Variants in SCN1A observed in about 807,000 individuals in gnomAD.
The protein encoded by SCN1A is sodium channel protein type 1 subunit alpha.
Under a neutral mutation model 193.7 loss-of-function variants are expected in SCN1A, and 13 were observed. The observed-to-expected ratio is 0.07, with a 90% CI of 0.04 to 0.11. The LOEUF (loss-of-function observed/expected upper bound fraction) is 0.11. Among genes scored for constraint, SCN1A ranks in the 10% least tolerant of loss-of-function variants. The pLI, the probability that SCN1A is intolerant of heterozygous loss-of-function variation, is 1.00. For synonymous variants in SCN1A, 781 were observed against 843.6 expected, an observed-to-expected ratio of 0.93 and a Z score of 1.29; for missense variants, 1,432 against 2,451.1, an observed-to-expected ratio of 0.58 and a Z score of 8.78.
At chr2:166,107,575 T>C (rs1177773733) in intron 2 of SCN1A, among the ~76,000 whole-genome samples, 7 of 144,886 alleles carry the variant, frequency 4.8e-5, no homozygotes, top group African/African-American at 2.0e-4. Flanking sequence ...CTTTTCTTAA[T>C]ATTTAGATAT....
In SCN1A at chr2:166,123,223, C is replaced by CA. The variant is rs57488795; in HGVS notation, c.-142+3700dup. On this transcript the variant is annotated intron_variant, in intron 2 of 28. Coordinates refer to ENST00000674923, the MANE Select transcript of SCN1A (RefSeq NM_001165963.4). ...AATCACATTCCTACTCATTCATTTG[C>CA]AAAAAAAAAAAAAAAAAAAAAAAAA... is the stretch of plus-strand genomic sequence containing the variant. Among the ~76,000 whole-genome samples, 115 of 116,380 alleles carry CA rather than the reference C, an allele frequency of 9.9e-4. 2 individuals carry two copies. Among genetic ancestry groups the CA allele is most frequent in the Non-Finnish European group, 1.4e-3 (84 of 58,144 alleles). The allele number at this position is 116,380 out of a possible 152,430, so 76.3% of individuals were successfully genotyped here.
intron 19 of SCN1A, among the ~76,000 whole-genome samples, chr2:166,021,541 A>G (rs1269439615): frequency 6.6e-6 from 1 of 152,172 alleles, no homozygotes; most frequent in Non-Finnish European, 1.5e-5. Flanking sequence ...ATAGATTAAA[A>G]TAAATAAAAA....
upstream of SCN1A, among the ~76,000 whole-genome samples, chr2:166,130,394 T>C (rs180981757): frequency 4.5e-4 from 68 of 152,296 alleles, no homozygotes; most frequent in African/African-American, 1.6e-3. Context: ...ATGTCAGTCA[T>C]ATGGAAAGGC....
rs767219420 is a variant in SCN1A at position 166,018,756 on chromosome 2, G to A, written c.3430-3029C>T. Reference sequence around the variant, plus strand: ...TGGAAAATTGAACAATATAAGAGTTGGCATGCAATTGGACATACACGAACT... The same window carrying A: ...TGGAAAATTGAACAATATAAGAGTTAGCATGCAATTGGACATACACGAACT... On this transcript the variant is annotated intron_variant, in intron 19 of 28. Coordinates refer to ENST00000674923, the MANE Select transcript of SCN1A (RefSeq NM_001165963.4). Among the ~76,000 whole-genome samples the A allele has an allele frequency of 2.6e-5, 4 of 151,918 alleles. 1 individual carries two copies. The highest frequency in any genetic ancestry group is 4.2e-4 in the South Asian group (2 of 4,816).
At chr2:165,996,964 T>G (rs1228755057) in intron 26 of SCN1A, among the ~76,000 whole-genome samples, 1 of 151,366 alleles carries the variant, frequency 6.6e-6, no homozygotes, top group Admixed American at 6.6e-5. Flanking sequence ...AAAATTAAAA[T>G]TAAATACAGT....
intron 16 of SCN1A, 48 bp downstream of exon 16, chr2:166,041,183 A>G (rs747766254): frequency 9.6e-6 from 13 of 1,353,048 alleles, no homozygotes; most frequent in Non-Finnish European, 1.4e-5. Flanking sequence ...ACAGTTTTTC[A>G]AGCAGAAAAT....
At chr2:166,058,712 G>A (rs187238950) in intron 4 of SCN1A, 24 bp from the exon 5 acceptor site, 264 of 1,299,552 alleles carry the variant, frequency 2.0e-4, no homozygotes, top group Admixed American at 7.7e-4. Context: ...ACACAACATA[G>A]AAGTATGAAA....
chr2:166,080,551 G>A (rs1685406878), intron 2 of SCN1A, among the ~76,000 whole-genome samples: 2 of 151,626 alleles, frequency 1.3e-5, no homozygotes, highest in Non-Finnish European at 3.0e-5. Flanking sequence ...ATAGAAAACT[G>A]GAAGAAGAAT....
At position 166,047,494 on chromosome 2, in the gene SCN1A, G is replaced by A. The variant is rs1023171625; in HGVS notation, c.1170+133C>T. On this transcript the variant is annotated intron_variant, in intron 11 of 28. Coordinates refer to ENST00000674923, the MANE Select transcript of SCN1A (RefSeq NM_001165963.4). ...TGCTCAGTATGTGTTATAATCAATAGGATAGAGGAACTCAAGTCTCGTTTC... is the reference window on the plus strand; with the variant it reads ...TGCTCAGTATGTGTTATAATCAATAAGATAGAGGAACTCAAGTCTCGTTTC... 6 of 981,718 alleles carry A rather than the reference G, an allele frequency of 6.1e-6. No individual in the cohort carries two copies. The African/African-American group carries it at 9.6e-5, about 16-fold the overall frequency. The allele number at this position is 981,718 out of a possible 1,614,324, so 60.8% of individuals were successfully genotyped here.
intron 2 of SCN1A, among the ~76,000 whole-genome samples, chr2:166,106,572 A>T (rs1015302978): frequency 2.0e-5 from 3 of 152,198 alleles, no homozygotes; most frequent in African/African-American, 7.2e-5. Context: ...TGCGGCACTG[A>T]AGTGAGGATG....
chr2:166,009,776 G>T lies in SCN1A; in HGVS notation c.3945C>A (p.Leu1315=). 1 of 1,607,220 alleles carries T rather than the reference G, an allele frequency of 6.2e-7. No homozygotes were observed. Among genetic ancestry groups the T allele is most frequent in the Non-Finnish European group, 8.5e-7 (1 of 1,175,172 alleles). ...GAGGTCTCAGAGCTCTTAGTGTCCT[G>T]AGAGATTTGATGGCTCCAAGTTCTG... is the stretch of plus-strand genomic sequence containing the variant. The part of the protein sequence containing the change: ...GYSELGAIKS[L]RTLRALRPLR... Residue 1315 remains leucine (L), a synonymous_variant, in exon 23 of 29, where the codon CTC becomes CTA. Transcript: ENST00000674923.
In SCN1A at chr2:166,036,243, A is replaced by G. The variant is rs1322163117; in HGVS notation, c.3234T>C (p.Asp1078=). 3.1e-6 allele frequency: 5 copies of G among 1,613,944 alleles called. No individual in the cohort carries two copies. The highest frequency in any genetic ancestry group is 4.2e-6 in the Non-Finnish European group (5 of 1,179,878). The change falls in exon 19 of 29, where the codon GAT becomes GAC. Residue 1078 remains aspartate (D), a synonymous_variant. Transcript: ENST00000674923. ...CTATACCACTTGTAGTTCCATTTACATCTTTAAGATAGTCAAGATCTTTCC... is the reference window on the plus strand; with the variant it reads ...CTATACCACTTGTAGTTCCATTTACGTCTTTAAGATAGTCAAGATCTTTCC... ...EIGKDLDYLK[D]VNGTTSGIGT... is the part of the protein sequence containing the mutation.
intron 4 of SCN1A, among the ~76,000 whole-genome samples, chr2:166,065,841 C>T (rs777609680): frequency 2.0e-5 from 3 of 152,126 alleles, no homozygotes; most frequent in Non-Finnish European, 2.9e-5. Flanking sequence ...ACTCATATTT[C>T]AAGAGGAATC....
At chr2:166,049,639 A>G (rs531302330) in intron 9 of SCN1A, among the ~76,000 whole-genome samples, 21 of 152,108 alleles carry the variant, frequency 1.4e-4, no homozygotes, top group Admixed American at 1.2e-3. Context: ...GCTTCTTGCA[A>G]TGTCCAGTTC....
At chr2:166,051,301 T>C (rs1698528244) in intron 9 of SCN1A, among the ~76,000 whole-genome samples, 1 of 152,048 alleles carries the variant, frequency 6.6e-6, no homozygotes, top group African/African-American at 2.4e-5. Flanking sequence ...AAATAATCTA[T>C]TATTTAAAAT....
intron 2 of SCN1A, among the ~76,000 whole-genome samples, chr2:166,085,472 A>G (rs1388495419): frequency 6.6e-6 from 1 of 152,128 alleles, no homozygotes. Flanking sequence ...TCAATTTAAA[A>G]ATACTCTTCT....
At chr2:166,026,957 A>T (rs1022997930) in intron 19 of SCN1A, among the ~76,000 whole-genome samples, 4 of 152,018 alleles carry the variant, frequency 2.6e-5, no homozygotes, top group Non-Finnish European at 5.9e-5. Context: ...TATTTCTTAA[A>T]ATCTATTTTA....
At chr2:166,145,700 T>G (rs1327866253) in intron 1 of SCN1A, among the ~76,000 whole-genome samples, 1 of 152,144 alleles carries the variant, frequency 6.6e-6, no homozygotes, top group Non-Finnish European at 1.5e-5. Flanking sequence ...CATTTGTAAT[T>G]TTAAGGCTAA....
chr2:166,135,062 T>G (rs1394388697), intron 1 of SCN1A, among the ~76,000 whole-genome samples: 1 of 152,218 alleles, frequency 6.6e-6, no homozygotes, highest in Non-Finnish European at 1.5e-5. Context: ...TTAAACATAA[T>G]GCTTGGGTTC....
Sources: gnomAD v4.1 joint callset for allele counts (sites outside exome capture counted in the v4.1 genomes callset) on GRCh38, gnomAD v4.1.1 for gene constraint, MANE v1.5 for transcripts, NCBI Gene and HGNC (gene_info 2026-07-23, HGNC 2026-07-21) for gene names.